Variants in ABHD4 observed in about 807,000 individuals in gnomAD.
ABHD4 encodes (Lyso)-N-acylphosphatidylethanolamine lipase.
In ABHD4, 35 loss-of-function variants were observed where a neutral mutation model predicts 42.3. That is an observed-to-expected ratio of 0.83 (90% CI 0.63 to 1.10). The LOEUF (loss-of-function observed/expected upper bound fraction) is 1.10. Among genes scored for constraint, ABHD4 ranks in the 50% least tolerant of loss-of-function variants. The pLI is 0.00. For synonymous variants in ABHD4, 169 were observed against 170.6 expected (o/e 0.99, Z 0.07); for missense variants, 389 against 454.8 (o/e 0.86, Z 1.32).
intron 4 of ABHD4, chr14:22,605,827 G>T: frequency 7.8e-7 from 1 of 1,289,178 alleles, no homozygotes; most frequent in Non-Finnish European, 1.0e-6. Flanking sequence ...GGGATCAGAA[G>T]TTGACCAGTA....
chr14:22,599,871 C>T (rs1461607602), intron 1 of ABHD4, among the ~76,000 whole-genome samples: 2 of 152,284 alleles, frequency 1.3e-5, no homozygotes, highest in Admixed American at 1.3e-4. Context: ...AGGATTAGAT[C>T]GATTGATATT....
chr14:22,603,618 C>T lies in ABHD4; in HGVS notation c.341C>T (p.Pro114Leu), dbSNP rs754360679. 1 of 1,614,190 alleles carries T rather than the reference C, an allele frequency of 6.2e-7. No individual in the cohort carries two copies. The highest frequency in any genetic ancestry group is 8.5e-7 in the Non-Finnish European group (1 of 1,180,038). Residue 114 changes from proline (P) to leucine (L), a missense_variant, in exon 3 of 7, where the codon CCA (proline) becomes CTA (leucine). Physicochemically the swap from Pro to Leu is moderately conservative, Grantham distance 98. Transcript: ENST00000428304. Reference protein sequence around the residue: ...GFGRSSRPAFPRDPEGAEDEF... With the variant: ...GFGRSSRPAFLRDPEGAEDEF... ...GGGCGAAGCTCAAGGCCAGCATTCC[C>T]AAGGGACCCGGAGGGGGCTGAGGAT...
At chr14:22,602,842 T>C (rs1156940226) in intron 2 of ABHD4, among the ~76,000 whole-genome samples, 3 of 152,196 alleles carry the variant, frequency 2.0e-5, no homozygotes, top group Non-Finnish European at 4.4e-5. Context: ...CATTCAAAAC[T>C]ACTGCAATAG....
At chr14:22,606,394 C>G in intron 4 of ABHD4, 28 bp from the exon 5 acceptor site, 1 of 1,558,832 alleles carries the variant, frequency 6.4e-7, no homozygotes, top group Non-Finnish European at 8.8e-7. Context: ...CCAAATTGGC[C>G]TGTCTGTGTT....
Position 22,604,009 on chromosome 14 carries a change from G to A in ABHD4, c.570G>A (p.Trp190Ter). 1 of 1,614,202 alleles carries A rather than the reference G, an allele frequency of 6.2e-7. No individual in the cohort carries two copies. Among genetic ancestry groups the A allele is most frequent in the Non-Finnish European group, 8.5e-7 (1 of 1,180,044 alleles). The stretch of plus-strand genomic sequence containing the variant: ...GTGAGATCCGTGCACCCCCAGCCTG[G>A]GTCAAAGCCGTGGCATCTGTCCTAG... Reference protein sequence around the residue: ...NPSEIRAPPAWVKAVASVLGR... With the variant: ...NPSEIRAPPA The change falls in exon 4 of 7, where the codon TGG becomes TGA. Residue 190 changes from tryptophan to a stop codon, truncating the protein, a stop_gained. Transcript: ENST00000428304. LOFTEE classifies it high-confidence loss of function.
At chr14:22,601,302 T>C (rs1335402428) in intron 1 of ABHD4, among the ~76,000 whole-genome samples, 1 of 152,200 alleles carries the variant, frequency 6.6e-6, no homozygotes, top group Non-Finnish European at 1.5e-5. Context: ...AAAGGATAAC[T>C]GAAACATTAG....
chr14:22,604,857 G>A (rs746864667), intron 4 of ABHD4, among the ~76,000 whole-genome samples: 8 of 152,042 alleles, frequency 5.3e-5, no homozygotes, highest in African/African-American at 1.2e-4. Flanking sequence ...TGATCCATCC[G>A]CATCAGCCTC....
At chr14:22,598,402 G>C (rs1273642267) in intron 1 of ABHD4, 73 bp downstream of exon 1, 10 of 1,551,006 alleles carry the variant, frequency 6.4e-6, no homozygotes, top group Non-Finnish European at 8.7e-6. Flanking sequence ...GTCTGTGGCT[G>C]AGGAACAGTT....
At chr14:22,600,544 T>G (rs2037270335) in intron 1 of ABHD4, among the ~76,000 whole-genome samples, 1 of 152,164 alleles carries the variant, frequency 6.6e-6, no homozygotes, top group Admixed American at 6.6e-5. Flanking sequence ...TTGGTCATGG[T>G]TCCCCTCACT....
In ABHD4 at chr14:22,611,773, G is replaced by A. The variant is rs3751480; in HGVS notation, c.*825G>A. On this transcript the variant is annotated 3_prime_UTR_variant, in exon 7 of 7. Transcript: ENST00000428304. ...GTTGTCCTGCCTGTGTCTCATCCCC[G>A]GCTGCCTAAGCTAGGGACACTCAAG... The A allele has an allele frequency of 0.33, 50,521 of 152,846 alleles. 8,460 individuals are homozygous for A. Among genetic ancestry groups the A allele is most frequent in the South Asian group, 0.37 (1,804 of 4,830 alleles). The allele number at this position is 152,846 out of a possible 1,614,324, so 9.5% of individuals were successfully genotyped here.
chr14:22,598,473 G>A, intron 1 of ABHD4, 144 bp downstream of exon 1: 1 of 1,537,446 alleles, frequency 6.5e-7, no homozygotes, highest in South Asian at 1.2e-5. Flanking sequence ...GGGGGTGGGT[G>A]CGTTGCTTGC....
chr14:22,608,509 A>C (rs891477668), intron 5 of ABHD4, among the ~76,000 whole-genome samples: 2 of 152,190 alleles, frequency 1.3e-5, no homozygotes, highest in Admixed American at 6.5e-5. Flanking sequence ...AGCCCTTGGA[A>C]GACTGATTTT....
chr14:22,609,943 G>A (rs17120384), intron 6 of ABHD4, 33 bp downstream of exon 6: 33,719 of 1,604,046 alleles, frequency 0.021, 1,350 homozygotes, highest in African/African-American at 0.17. Flanking sequence ...TGGAAATGAT[G>A]ACTGAGAGTC....
chr14:22,601,736 G>A lies in ABHD4; in HGVS notation c.93G>A (p.Val31=). The A allele has an allele frequency of 6.2e-7, 1 of 1,614,178 alleles. No homozygotes were observed. Among genetic ancestry groups the A allele is most frequent in the Non-Finnish European group, 8.5e-7 (1 of 1,180,022 alleles). The change falls in exon 2 of 7, where the codon GTG becomes GTA. Residue 31 remains valine (V), a synonymous_variant. Coordinates refer to ENST00000428304, the MANE Select transcript of ABHD4 (RefSeq NM_022060.3). ...CTTCCATGTCTCAGCTGAAGAATGTGGAAGCCAGGATCCTCCAGTGTAAGT... is the reference window on the plus strand; with the variant it reads ...CTTCCATGTCTCAGCTGAAGAATGTAGAAGCCAGGATCCTCCAGTGTAAGT... ...RPTSMSQLKN[V]EARILQCLQN...
chr14:22,603,829 C>A, intron 3 of ABHD4, 67 bp downstream of exon 3: 3 of 1,577,012 alleles, frequency 1.9e-6, no homozygotes, highest in Non-Finnish European at 2.6e-6. Flanking sequence ...TTCCAGTATT[C>A]ATTTCCAAAC....
rs187672717 is a variant in ABHD4, at chr14:22,609,289, T to G, written c.753-435T>G. 4.1e-3 allele frequency among the ~76,000 whole-genome samples: 617 copies of G among 152,108 alleles called. 5 individuals carry two copies. The highest frequency in any genetic ancestry group is 0.014 in the African/African-American group (591 of 41,492). Reference sequence around the variant, plus strand: ...CTGGGATTACAGGTGTGAGCCACCGTGCCCAGCCCAAGAAATTTTAAATTA... The same window carrying G: ...CTGGGATTACAGGTGTGAGCCACCGGGCCCAGCCCAAGAAATTTTAAATTA... On this transcript the variant is annotated intron_variant, in intron 5 of 6. Transcript: ENST00000428304.
At chr14:22,602,905 A>G (rs914571638) in intron 2 of ABHD4, among the ~76,000 whole-genome samples, 1 of 152,230 alleles carries the variant, frequency 6.6e-6, no homozygotes, top group Non-Finnish European at 1.5e-5. Context: ...GTGGGGATTT[A>G]TAACCAAGCA....
At chr14:22,609,008 GT>G (rs1195088885) in intron 5 of ABHD4, among the ~76,000 whole-genome samples, 1 of 143,046 alleles carries the variant, frequency 7.0e-6, no homozygotes, top group African/African-American at 2.6e-5. Flanking sequence ...CTGTTCGTTT[GT>G]TTTTTTGAGA....
chr14:22,607,277 G>A (rs1261459053), intron 5 of ABHD4, among the ~76,000 whole-genome samples: 10 of 152,128 alleles, frequency 6.6e-5, no homozygotes, highest in African/African-American at 2.2e-4. Context: ...TTTGGGCACC[G>A]TGGATGGCAG....
Sources: allele counts gnomAD v4.1 joint callset (sites outside exome capture counted in the v4.1 genomes callset), GRCh38; gene constraint gnomAD v4.1.1; transcripts MANE v1.5; gene names NCBI Gene and HGNC (gene_info 2026-07-23, HGNC 2026-07-21).